Variants in RHOJ observed in about 807,000 individuals in gnomAD.
RHOJ encodes the protein rho-related GTP-binding protein RhoJ.
In RHOJ, 11 loss-of-function variants were observed where a neutral mutation model predicts 23.4. That is an observed-to-expected ratio of 0.47 (90% CI 0.30 to 0.78). The LOEUF (loss-of-function observed/expected upper bound fraction) is 0.78, where lower values mean the gene tolerates loss of function less well. Ranked by LOEUF, RHOJ falls within the 30% of genes least tolerant of loss-of-function variation. RHOJ has a pLI of 0.08. For missense variants in RHOJ, 254 were observed against 273.4 expected (o/e 0.93, Z 0.50); for synonymous variants, 102 against 102.7 (o/e 0.99, Z 0.04).
chr14:63,242,714 C>T (rs1411153848), intron 1 of RHOJ, among the ~76,000 whole-genome samples: 6 of 152,076 alleles, frequency 3.9e-5, no homozygotes, highest in South Asian at 2.1e-4. Context: ...GTTTCTTTGC[C>T]GTGATTCTCT....
At chr14:63,223,175 C>T (rs1894530194) in intron 1 of RHOJ, among the ~76,000 whole-genome samples, 1 of 152,138 alleles carries the variant, frequency 6.6e-6, no homozygotes, top group African/African-American at 2.4e-5. Flanking sequence ...AAGTTTTATC[C>T]ACACTGCTGG....
chr14:63,209,703 T>G (rs559000763), intron 1 of RHOJ, among the ~76,000 whole-genome samples: 3 of 152,334 alleles, frequency 2.0e-5, no homozygotes, highest in African/African-American at 7.2e-5. Flanking sequence ...CTCAGATTAT[T>G]CTCAACTGAA....
At chr14:63,282,286 G>GCACACACACA (rs36227581) in intron 3 of RHOJ, among the ~76,000 whole-genome samples, 12 of 133,296 alleles carry the variant, frequency 9.0e-5, no homozygotes, top group African/African-American at 2.9e-4. Flanking sequence ...ACAAACACAT[G>GCACACACACA]CACACACACA....
chr14:63,284,269 A>G, intron 4 of RHOJ: 1 of 984,916 alleles, frequency 1.0e-6, no homozygotes, highest in Non-Finnish European at 1.2e-6. Flanking sequence ...ATGTTTTTAC[A>G]GGTATCCTGC....
chr14:63,272,545 G>C (rs1247008793), intron 2 of RHOJ, among the ~76,000 whole-genome samples: 1 of 152,212 alleles, frequency 6.6e-6, no homozygotes, highest in African/African-American at 2.4e-5. Flanking sequence ...AAGCAAATGT[G>C]TTCTGAGAGG....
chr14:63,234,387 C>A (rs1235100913), intron 1 of RHOJ, among the ~76,000 whole-genome samples: 3 of 152,184 alleles, frequency 2.0e-5, no homozygotes, highest in Non-Finnish European at 4.4e-5. Flanking sequence ...ATCTTTGCAT[C>A]CCTGCTCCTA....
intron 1 of RHOJ, among the ~76,000 whole-genome samples, chr14:63,217,753 A>T (rs1894397519): frequency 6.6e-6 from 1 of 152,170 alleles, no homozygotes; most frequent in South Asian, 2.1e-4. Context: ...GTGAACAGGC[A>T]ACCTACAAAA....
chr14:63,276,331 A>C (rs1049409421), intron 2 of RHOJ, among the ~76,000 whole-genome samples: 1 of 152,214 alleles, frequency 6.6e-6, no homozygotes, highest in Admixed American at 6.5e-5. Context: ...CTAATCTTTA[A>C]GGCCTTTTCT....
intron 4 of RHOJ, among the ~76,000 whole-genome samples, chr14:63,286,695 TGTTAAACA>T (rs1397671708): frequency 6.6e-6 from 1 of 152,210 alleles, no homozygotes; most frequent in African/African-American, 2.4e-5. Context: ...CAACAGAAAC[TGTTAAACA>T]GTCTCTTAGA....
Position 63,291,219 on chromosome 14 carries a change from A to G in RHOJ, c.*195A>G, listed in dbSNP as rs1882240627. ...TGCCACGACCTCCCTGCCAGCCAGA[A>G]GCATCCGTACTGCACGCTGTCTGAG... On this transcript the variant is annotated 3_prime_UTR_variant, in exon 5 of 5. Coordinates refer to ENST00000316754, the MANE Select transcript of RHOJ (RefSeq NM_020663.5). 1 of 660,898 alleles carries G rather than the reference A, an allele frequency of 1.5e-6. No homozygotes were observed. Among genetic ancestry groups the G allele is most frequent in the Non-Finnish European group, 2.7e-6 (1 of 366,596 alleles). 40.9% of individuals were successfully genotyped at this position (660,898 alleles called of 1,614,324 possible).
At chr14:63,252,143 C>T (rs772385319) in intron 1 of RHOJ, among the ~76,000 whole-genome samples, 1 of 152,094 alleles carries the variant, frequency 6.6e-6, no homozygotes, top group African/African-American at 2.4e-5. Flanking sequence ...AATCAAGGAG[C>T]CAGCAGACCT....
At chr14:63,237,246 A>AT (rs892527791) in intron 1 of RHOJ, among the ~76,000 whole-genome samples, 2 of 152,162 alleles carry the variant, frequency 1.3e-5, no homozygotes, top group Admixed American at 1.3e-4. Context: ...AAGTTTTCTT[A>AT]TTTTTTTAAG....
chr14:63,248,263 T>C (rs553326975), intron 1 of RHOJ, among the ~76,000 whole-genome samples: 7 of 152,350 alleles, frequency 4.6e-5, no homozygotes, highest in African/African-American at 1.4e-4. Context: ...TGATAATTTA[T>C]GTCAAGGCAA....
At chr14:63,266,954 T>C (rs940218780) in intron 1 of RHOJ, among the ~76,000 whole-genome samples, 5 of 152,120 alleles carry the variant, frequency 3.3e-5, no homozygotes, top group Admixed American at 2.0e-4. Context: ...GCAGTGCCCC[T>C]GCCGCAAGCC....
intron 1 of RHOJ, among the ~76,000 whole-genome samples, chr14:63,243,961 G>A (rs1894930668): frequency 6.6e-6 from 1 of 152,148 alleles, no homozygotes; most frequent in African/African-American, 2.4e-5. Context: ...ATGATGAAAA[G>A]CATACTTTAT....
chr14:63,225,570 C>A (rs559813612), intron 1 of RHOJ, among the ~76,000 whole-genome samples: 2 of 152,242 alleles, frequency 1.3e-5, no homozygotes, highest in South Asian at 4.2e-4. Flanking sequence ...ATCCAGTGTT[C>A]TTCTCTTCTG....
At position 63,269,125 on chromosome 14, in the gene RHOJ, G is replaced by C. The variant is rs776349078; in HGVS notation, c.194G>C (p.Gly65Ala). 3.1e-6 allele frequency: 5 copies of C among 1,613,086 alleles called. No homozygotes were observed. Among genetic ancestry groups the C allele is most frequent in the Non-Finnish European group, 4.2e-6 (5 of 1,179,152 alleles). ...TCTCCCCTAGTTACTGTGACTGTGGGAGGCAAGCAACACTTGCTCGGACTG... is the reference window on the plus strand; with the variant it reads ...TCTCCCCTAGTTACTGTGACTGTGGCAGGCAAGCAACACTTGCTCGGACTG... ...FDHYAVTVTV[G>A]GKQHLLGLYD... The change falls in exon 2 of 5, where the codon GGA (glycine) becomes GCA (alanine). Residue 65 changes from glycine to alanine, a missense_variant. Transcript: ENST00000316754.
intron 2 of RHOJ, among the ~76,000 whole-genome samples, chr14:63,275,180 G>A (rs7152391): frequency 0.094 from 14,302 of 152,018 alleles, 900 homozygotes; most frequent in East Asian, 0.2. Context: ...TTACCCAGGC[G>A]TGGTGTGCAT....
At chr14:63,269,084 T>C in intron 1 of RHOJ, 26 bp from the exon 2 acceptor site, 1 of 1,580,418 alleles carries the variant, frequency 6.3e-7, no homozygotes, top group Non-Finnish European at 8.7e-7. Context: ...GACTCTCCTC[T>C]TCTTTTCTTT....
Sources: gnomAD v4.1 joint callset for allele counts (sites outside exome capture counted in the v4.1 genomes callset) on GRCh38, gnomAD v4.1.1 for gene constraint, MANE v1.5 for transcripts, NCBI Gene and HGNC (gene_info 2026-07-23, HGNC 2026-07-21) for gene names.